Variants in IQGAP2 observed in about 807,000 individuals in gnomAD.
IQGAP2 encodes the protein ras GTPase-activating-like protein IQGAP2.
In IQGAP2, 173 loss-of-function variants were observed where a neutral mutation model predicts 201.3. The observed-to-expected ratio is 0.86, with a 90% CI of 0.76 to 0.98. The LOEUF (loss-of-function observed/expected upper bound fraction) is 0.98. IQGAP2 is among the 50% of genes least tolerant of loss of function. The pLI, the probability that IQGAP2 is intolerant of heterozygous loss-of-function variation, is 0.00. For synonymous variants in IQGAP2, 675 were observed against 673.9 expected (o/e 1.00, Z -0.03); for missense variants, 1,687 against 1,864.8 (o/e 0.90, Z 1.76).
At chr5:76,532,109 A>G (rs1239840693) in intron 2 of IQGAP2, among the ~76,000 whole-genome samples, 2 of 152,204 alleles carry the variant, frequency 1.3e-5, no homozygotes, top group Admixed American at 6.5e-5. Context: ...TTTGAGGGGG[A>G]CATAAGCATT....
chr5:76,683,197 C>T lies in IQGAP2; in HGVS notation c.3743C>T (p.Pro1248Leu), dbSNP rs534172535. 14 of 1,611,574 alleles carry T rather than the reference C, an allele frequency of 8.7e-6. No homozygotes were observed. The African/African-American group carries it at 1.5e-4, about 17-fold the overall frequency. ...SELLGSLGEV[P>L]TVESFLGEGA... is the part of the protein sequence containing the mutation. ...TTGCTGGGGTCGCTGGGAGAGGTGC[C>T]AACCGTGGAATCTTTTCTTGGTAAG... Residue 1248 changes from proline (P) to leucine (L), a missense_variant, in exon 29 of 36, where the codon CCA becomes CTA. Coordinates refer to ENST00000274364, the MANE Select transcript of IQGAP2 (RefSeq NM_006633.5).
chr5:76,577,473 C>T (rs760210682), intron 5 of IQGAP2, among the ~76,000 whole-genome samples: 6 of 152,208 alleles, frequency 3.9e-5, no homozygotes, highest in Admixed American at 2.6e-4. Context: ...CCTGTTGGGT[C>T]ATGTCATTCA....
chr5:76,706,198 A>G (rs1561617747), intron 35 of IQGAP2, among the ~76,000 whole-genome samples: 1 of 152,230 alleles, frequency 6.6e-6, no homozygotes. Context: ...AACGTGCTGT[A>G]TTATATACCA....
At chr5:76,536,094 G>A (rs550948666) in intron 2 of IQGAP2, among the ~76,000 whole-genome samples, 11 of 128,914 alleles carry the variant, frequency 8.5e-5, no homozygotes, top group Admixed American at 2.6e-4. Flanking sequence ...AGATGGCAGA[G>A]TTTTGCTCAT....
At chr5:76,419,922 A>G (rs1253946505) in intron 1 of IQGAP2, among the ~76,000 whole-genome samples, 1 of 152,148 alleles carries the variant, frequency 6.6e-6, no homozygotes, top group Non-Finnish European at 1.5e-5. Flanking sequence ...ATTGTTCAAT[A>G]TAAATTCCAC....
At chr5:76,414,647 T>C (rs4501324) in intron 1 of IQGAP2, among the ~76,000 whole-genome samples, 58,558 of 152,106 alleles carry the variant, frequency 0.38, 17,117 homozygotes, top group African/African-American at 0.81. Context: ...TAGCAAGACC[T>C]TGTTTCTACA....
At chr5:76,462,955 C>CA (rs1206657528) in intron 2 of IQGAP2, among the ~76,000 whole-genome samples, 2 of 151,164 alleles carry the variant, frequency 1.3e-5, no homozygotes, top group Admixed American at 6.6e-5. Flanking sequence ...CAAGTTGTCG[C>CA]AAAAAAGTTA....
chr5:76,673,712 A>T, intron 25 of IQGAP2, 123 bp downstream of exon 25: 1 of 1,048,556 alleles, frequency 9.5e-7, no homozygotes, highest in Non-Finnish European at 1.4e-6. Context: ...ATTTTAAAAG[A>T]TTGCCTACAT....
At chr5:76,566,853 G>A (rs115779460) in intron 3 of IQGAP2, among the ~76,000 whole-genome samples, 2,048 of 152,054 alleles carry the variant, frequency 0.013, 62 homozygotes, top group African/African-American at 0.047. Context: ...GAGCAGTCCC[G>A]TCCATTCTAA....
rs1263829767 is a variant in IQGAP2 at position 76,677,288 on chromosome 5, C to T, written c.3598C>T (p.Leu1200=). Residue 1200 remains leucine, a synonymous_variant, in exon 28 of 36, where the codon CTG becomes TTG. Transcript: ENST00000274364. The part of the protein sequence containing the change: ...EKFNMDKYTD[L]VTVSKPVIYI... ...GTTTAATATGGACAAATACACAGAC[C>T]TGGTGACAGTCAGCAAACCAGTCAT... 4 of 1,613,442 alleles carry T rather than the reference C, an allele frequency of 2.5e-6. No individual in the cohort carries two copies. In the South Asian group the frequency reaches 4.4e-5, roughly 18 times the overall value.
chr5:76,653,308 G>A (rs753650208), intron 18 of IQGAP2, among the ~76,000 whole-genome samples: 1 of 152,170 alleles, frequency 6.6e-6, no homozygotes, highest in Non-Finnish European at 1.5e-5. Flanking sequence ...GAGAAAGAAA[G>A]GGTACTGTGA....
At position 76,570,574 on chromosome 5, in the gene IQGAP2, CT is replaced by C. The variant is rs1745043451; in HGVS notation, c.304-3del. 6.2e-7 allele frequency: 1 copy of C among 1,608,000 alleles called. No individual in the cohort carries two copies. The highest frequency in any genetic ancestry group is 1.3e-5 in the African/African-American group (1 of 74,732). On this transcript the variant is annotated splice_polypyrimidine_tract_variant and splice_region_variant and intron_variant, in intron 3 of 35. Coordinates refer to ENST00000274364, the MANE Select transcript of IQGAP2 (RefSeq NM_006633.5). ...TCTCCCTTTTTCCCTCCTATCGTCA[CT>C]TTAGAAGTCTGGCCTTCATTTTCGA...
At chr5:76,628,096 C>T (rs948514491) in intron 14 of IQGAP2, among the ~76,000 whole-genome samples, 1 of 152,188 alleles carries the variant, frequency 6.6e-6, no homozygotes, top group Non-Finnish European at 1.5e-5. Context: ...GAAGGCCAGG[C>T]CCCTTGAGGA....
intron 2 of IQGAP2, among the ~76,000 whole-genome samples, chr5:76,543,558 A>G (rs1232555813): frequency 2.6e-5 from 4 of 152,206 alleles, no homozygotes; most frequent in Admixed American, 2.6e-4. Context: ...TCACCAAGTC[A>G]GTACCAATGA....
At chr5:76,618,514 T>C in intron 13 of IQGAP2, 1 of 1,614,168 alleles carries the variant, frequency 6.2e-7, no homozygotes, top group South Asian at 1.1e-5. Flanking sequence ...ATTTTTACAG[T>C]AATCGTGGCT....
At chr5:76,666,099 A>G (rs756477821) in intron 22 of IQGAP2, among the ~76,000 whole-genome samples, 3 of 152,248 alleles carry the variant, frequency 2.0e-5, no homozygotes, top group African/African-American at 4.8e-5. Flanking sequence ...GGCTAACCTC[A>G]TGGAGAAACA....
chr5:76,707,548 G>C lies in IQGAP2; in HGVS notation c.*235G>C. On this transcript the variant is annotated 3_prime_UTR_variant, in exon 36 of 36. Coordinates refer to ENST00000274364, the MANE Select transcript of IQGAP2 (RefSeq NM_006633.5). Reference sequence around the variant, plus strand: ...CATATCCACACTGTACTGTGATATAGGTACTCTGATTTAAAACTTTGGACA... The same window carrying C: ...CATATCCACACTGTACTGTGATATACGTACTCTGATTTAAAACTTTGGACA... The C allele has an allele frequency of 2.6e-6, 1 of 389,572 alleles. No homozygotes were observed. The highest frequency in any genetic ancestry group is 4.8e-5 in the East Asian group (1 of 20,892). The allele number at this position is 389,572 out of a possible 1,614,324, so 24.1% of individuals were successfully genotyped here. A position where few individuals can be genotyped will look rare whatever the true frequency, so the allele number is the denominator to read the frequency against.
At chr5:76,704,531 A>G (rs1395861410) in intron 35 of IQGAP2, among the ~76,000 whole-genome samples, 1 of 152,392 alleles carries the variant, frequency 6.6e-6, no homozygotes, top group East Asian at 1.9e-4. Flanking sequence ...CCTTAGCTAT[A>G]TGCAGGTGAC....
At chr5:76,595,881 G>T (rs1747000905) in intron 9 of IQGAP2, among the ~76,000 whole-genome samples, 2 of 151,988 alleles carry the variant, frequency 1.3e-5, no homozygotes, top group African/African-American at 2.4e-5. Context: ...CAAAGGTAAA[G>T]CAAGATCCTA....
Sources: allele counts gnomAD v4.1 joint callset (sites outside exome capture counted in the v4.1 genomes callset), GRCh38; gene constraint gnomAD v4.1.1; transcripts MANE v1.5; gene names NCBI Gene and HGNC (gene_info 2026-07-23, HGNC 2026-07-21).